The following CELF4 variants were observed in gnomAD, a reference collection of about 807,000 sequenced individuals.
The protein encoded by CELF4 is CUGBP Elav-like family member 4, also known as CUG-BP- and ETR-3-like factor 4.
Under a neutral mutation model 59.9 loss-of-function variants are expected in CELF4, and 18 were observed. The ratio of observed to expected loss-of-function variants is 0.30; its 90% confidence interval spans 0.21 to 0.45. CELF4 has a LOEUF of 0.45. Among genes scored for constraint, CELF4 ranks in the 20% least tolerant of loss-of-function variants. CELF4 has a pLI of 1.00. For synonymous variants in CELF4, 261 were observed against 267.1 expected (o/e 0.98, Z 0.22); for missense variants, 456 against 689.0 (o/e 0.66, Z 3.79).
In CELF4 at chr18:37,353,233, A is replaced by AAAAAATATATATATAT. The variant is rs71168258; in HGVS notation, c.370-31353_370-31352insATATATATATATTTTT. Among the ~76,000 whole-genome samples the AAAAAATATATATATAT allele has an allele frequency of 4.0e-3, 423 of 106,832 alleles. 16 individuals carry two copies. In the East Asian group the frequency reaches 0.062, roughly 16 times the overall value. 70.1% of individuals were successfully genotyped at this position (106,832 alleles called of 152,430 possible). ...GAGACTCCGTCTCAAAAAAAAAAAA[A>AAAAAATATATATATAT]ATATATATATATATATACATAAAAG... On this transcript the variant is annotated intron_variant, in intron 2 of 12. Coordinates refer to ENST00000420428, the MANE Select transcript of CELF4 (RefSeq NM_020180.4).
chr18:37,466,049 G>A (rs1417718755), intron 2 of CELF4, among the ~76,000 whole-genome samples: 1 of 152,184 alleles, frequency 6.6e-6, no homozygotes, highest in Non-Finnish European at 1.5e-5. Context: ...TCTTCAGCTC[G>A]CCTCTGCCAT....
At chr18:37,488,851 AAGGAAGC>A (rs2154603350) in intron 1 of CELF4, among the ~76,000 whole-genome samples, 1 of 152,348 alleles carries the variant, frequency 6.6e-6, no homozygotes, top group South Asian at 2.1e-4. Flanking sequence ...GAGATGAAAG[AAGGAAGC>A]AGTGAGAGAA....
chr18:37,458,141 C>T (rs952522022), intron 2 of CELF4, among the ~76,000 whole-genome samples: 8 of 152,166 alleles, frequency 5.3e-5, no homozygotes, highest in East Asian at 3.9e-4. Flanking sequence ...TTTCCCGGGA[C>T]GGCTAAGGTC....
intron 2 of CELF4, among the ~76,000 whole-genome samples, chr18:37,443,550 A>G (rs149641513): frequency 1.3e-5 from 2 of 152,184 alleles, no homozygotes; most frequent in Admixed American, 6.5e-5. Context: ...TCAAAGCAGG[A>G]CAATGACATC....
intron 11 of CELF4, among the ~76,000 whole-genome samples, chr18:37,256,441 C>A (rs1233625367): frequency 6.6e-6 from 1 of 152,182 alleles, no homozygotes; most frequent in Non-Finnish European, 1.5e-5. Flanking sequence ...AGGGTCTGCC[C>A]TGGGTAAGCT....
chr18:37,258,126 A>G (rs771515257), intron 11 of CELF4, among the ~76,000 whole-genome samples: 1 of 152,198 alleles, frequency 6.6e-6, no homozygotes, highest in Non-Finnish European at 1.5e-5. Context: ...TCTGACAGCC[A>G]TACTTCTGGA....
At chr18:37,415,372 A>G (rs2154592822) in intron 2 of CELF4, among the ~76,000 whole-genome samples, 1 of 152,308 alleles carries the variant, frequency 6.6e-6, no homozygotes, top group East Asian at 1.9e-4. Flanking sequence ...TCACCTCACA[A>G]TTACATCATG....
chr18:37,276,061 A>T (rs1012630323), intron 3 of CELF4: 1 of 152,210 alleles, frequency 6.6e-6, no homozygotes, highest in African/African-American at 2.4e-5. Context: ...TTTTTCTTCC[A>T]TCTGGATGCG....
chr18:37,352,397 C>T (rs1194601268), intron 2 of CELF4, among the ~76,000 whole-genome samples: 4 of 152,202 alleles, frequency 2.6e-5, no homozygotes, highest in East Asian at 1.9e-4. Flanking sequence ...AATCTCGACA[C>T]TTTGGGAGGG....
chr18:37,386,077 A>G (rs2099096040), intron 2 of CELF4, among the ~76,000 whole-genome samples: 1 of 152,182 alleles, frequency 6.6e-6, no homozygotes, highest in South Asian at 2.1e-4. Flanking sequence ...CTTTGGGCAT[A>G]TTACCTGGAG....
At chr18:37,404,302 TGGA>T (rs539250597) in intron 2 of CELF4, among the ~76,000 whole-genome samples, 44 of 152,326 alleles carry the variant, frequency 2.9e-4, no homozygotes, top group African/African-American at 9.1e-4. Flanking sequence ...AGTCACATAG[TGGA>T]GGAGTTCTCT....
At chr18:37,443,497 A>G (rs1052978282) in intron 2 of CELF4, among the ~76,000 whole-genome samples, 4 of 152,126 alleles carry the variant, frequency 2.6e-5, no homozygotes, top group Non-Finnish European at 4.4e-5. Context: ...AAGTGTGTGC[A>G]TGTGCCGAAG....
intron 3 of CELF4, among the ~76,000 whole-genome samples, chr18:37,310,109 GCT>G (rs1279764585): frequency 1.3e-5 from 2 of 151,892 alleles, no homozygotes; most frequent in African/African-American, 4.8e-5. Flanking sequence ...AACTTCAACA[GCT>G]GTCATCAAGG....
At chr18:37,309,568 C>T (rs1413980843) in intron 3 of CELF4, among the ~76,000 whole-genome samples, 2 of 152,034 alleles carry the variant, frequency 1.3e-5, no homozygotes, top group Non-Finnish European at 2.9e-5. Flanking sequence ...CAGGGCATGA[C>T]CAGGAAGACT....
intron 2 of CELF4, among the ~76,000 whole-genome samples, chr18:37,339,570 A>G (rs1208264117): frequency 6.6e-6 from 1 of 152,148 alleles, no homozygotes; most frequent in Non-Finnish European, 1.5e-5. Context: ...CCTAGCCAAC[A>G]TAGTGAAACC....
intron 2 of CELF4, among the ~76,000 whole-genome samples, chr18:37,351,145 C>T (rs2098432352): frequency 6.6e-6 from 1 of 152,174 alleles, no homozygotes; most frequent in African/African-American, 2.4e-5. Flanking sequence ...GGGGCTTGCA[C>T]ATGCCAGTAA....
At chr18:37,383,961 T>A (rs1020606499) in intron 2 of CELF4, among the ~76,000 whole-genome samples, 17 of 152,016 alleles carry the variant, frequency 1.1e-4, no homozygotes, top group African/African-American at 3.4e-4. Flanking sequence ...TGGGGGGCGG[T>A]GCGTGGAGGC....
At chr18:37,456,181 T>C (rs545176599) in intron 2 of CELF4, among the ~76,000 whole-genome samples, 4 of 152,280 alleles carry the variant, frequency 2.6e-5, no homozygotes, top group Non-Finnish European at 2.9e-5. Flanking sequence ...AAGTTATCCC[T>C]GGGCCTTTTC....
intron 1 of CELF4, among the ~76,000 whole-genome samples, chr18:37,556,780 C>T (rs545412292): frequency 6.6e-6 from 1 of 152,218 alleles, no homozygotes; most frequent in African/African-American, 2.4e-5. Context: ...TATGAATAAA[C>T]CAGACATGGA....
Sources: gnomAD v4.1 joint callset for allele counts (sites outside exome capture counted in the v4.1 genomes callset) on GRCh38, gnomAD v4.1.1 for gene constraint, MANE v1.5 for transcripts, NCBI Gene and HGNC (gene_info 2026-07-23, HGNC 2026-07-21) for gene names.